Variants in PGM2 observed in about 807,000 individuals in gnomAD.
The protein encoded by PGM2 is phosphopentomutase.
In PGM2, 57 loss-of-function variants were observed where a neutral mutation model predicts 74.6. The ratio of observed to expected loss-of-function variants is 0.76; its 90% CI spans 0.62 to 0.95. PGM2 has a LOEUF of 0.95. Among genes scored for constraint, PGM2 ranks in the 40% least tolerant of loss-of-function variants. The pLI, the probability that PGM2 is intolerant of heterozygous loss-of-function variation, is 0.00. For missense variants in PGM2, 706 were observed against 741.9 expected, an observed-to-expected ratio of 0.95 and a Z score of 0.56; for synonymous variants, 273 against 260.7, an observed-to-expected ratio of 1.05 and a Z score of -0.46.
At chr4:37,844,677 T>C (rs994314830) in intron 7 of PGM2, 124 bp downstream of exon 7, 3 of 663,620 alleles carry the variant, frequency 4.5e-6, no homozygotes, top group Non-Finnish European at 7.7e-6. Context: ...CATGGAAATA[T>C]GTATGTTTGG....
At chr4:37,829,377 A>C (rs1011192240) in intron 1 of PGM2, among the ~76,000 whole-genome samples, 1 of 152,208 alleles carries the variant, frequency 6.6e-6, no homozygotes, top group Admixed American at 6.5e-5. Flanking sequence ...AGATGTTACA[A>C]TATTCAAACT....
chr4:37,849,727 G>T (rs1725984233), intron 11 of PGM2, among the ~76,000 whole-genome samples: 1 of 151,144 alleles, frequency 6.6e-6, no homozygotes, highest in African/African-American at 2.4e-5. Flanking sequence ...TGTTTTAATG[G>T]TCTTTTAAAA....
At chr4:37,834,488 G>A (rs1203624032) in intron 2 of PGM2, 130 bp from the exon 3 acceptor site, 6 of 523,230 alleles carry the variant, frequency 1.1e-5, no homozygotes, top group Non-Finnish European at 2.1e-5. Context: ...TCCTTACTGA[G>A]ATGAATTTTT....
chr4:37,861,443 G>C (rs1056583358), intron 13 of PGM2, 67 bp from the exon 14 acceptor site: 2 of 995,028 alleles, frequency 2.0e-6, no homozygotes, highest in East Asian at 4.8e-5. Flanking sequence ...TGGTCAATGG[G>C]GGGAGCATTT....
At chr4:37,851,225 G>A (rs916861593) in intron 12 of PGM2, among the ~76,000 whole-genome samples, 2 of 152,192 alleles carry the variant, frequency 1.3e-5, no homozygotes, top group East Asian at 3.9e-4. Flanking sequence ...CAGAGTGCTG[G>A]AGCCCACACC....
chr4:37,855,320 A>G (rs1347834687), intron 12 of PGM2, among the ~76,000 whole-genome samples: 1 of 152,022 alleles, frequency 6.6e-6, no homozygotes, highest in Non-Finnish European at 1.5e-5. Flanking sequence ...TGCCTGGCTT[A>G]TTTCACTCAA....
intron 12 of PGM2, among the ~76,000 whole-genome samples, chr4:37,850,778 G>A (rs945890478): frequency 3.3e-5 from 5 of 151,244 alleles, no homozygotes; most frequent in Non-Finnish European, 5.9e-5. Flanking sequence ...ATCACTTGAG[G>A]TCAGGAGTTC....
intron 8 of PGM2, among the ~76,000 whole-genome samples, chr4:37,846,615 A>G (rs915956377): frequency 2.6e-5 from 4 of 152,228 alleles, no homozygotes; most frequent in African/African-American, 4.8e-5. Context: ...TATTTGTTAT[A>G]TTTAAAACCA....
Position 37,848,535 on chromosome 4 carries a change from C to T in PGM2, c.1296C>T (p.Cys432=). ...GTGTTTCTGCAGGATACATGTGCTG[C>T]CCTTTTGTTCTGGACAAAGATGGAG... ...AFEEAIGYMC[C]PFVLDKDGVS... is the part of the protein sequence containing the mutation. The change falls in exon 11 of 14, where the codon TGC becomes TGT. Residue 432 remains cysteine, a synonymous_variant. Transcript: ENST00000381967. 1.2e-6 allele frequency: 2 copies of T among 1,613,304 alleles called. No individual in the cohort carries two copies. The highest frequency in any genetic ancestry group is 1.7e-6 in the Non-Finnish European group (2 of 1,179,470).
chr4:37,848,512 G>C lies in PGM2; in HGVS notation c.1283-10G>C. 1 of 1,610,992 alleles carries C rather than the reference G, an allele frequency of 6.2e-7. No homozygotes were observed. Among genetic ancestry groups the C allele is most frequent in the South Asian group, 1.1e-5 (1 of 90,756 alleles). Reference sequence around the variant, plus strand: ...TTGTATAGATGTATGTATGACGTGTGTTTCTGCAGGATACATGTGCTGCCC... The same window carrying C: ...TTGTATAGATGTATGTATGACGTGTCTTTCTGCAGGATACATGTGCTGCCC... On this transcript the variant is annotated splice_polypyrimidine_tract_variant and intron_variant, in intron 10 of 13. Transcript: ENST00000381967.
At chr4:37,851,426 C>T (rs572665113) in intron 12 of PGM2, among the ~76,000 whole-genome samples, 1 of 152,284 alleles carries the variant, frequency 6.6e-6, no homozygotes, top group South Asian at 2.1e-4. Context: ...TTACACCAAG[C>T]AGATCTTTCA....
At chr4:37,852,133 CTTTTTTTTTTTTTTT>C (rs778968323) in intron 12 of PGM2, among the ~76,000 whole-genome samples, 3 of 47,272 alleles carry the variant, frequency 6.3e-5, no homozygotes, top group Admixed American at 2.8e-4. Flanking sequence ...ATGCCCAGCT[CTTTTTTTTTTTTTTT>C]TTTTTTTTTT....
intron 6 of PGM2, among the ~76,000 whole-genome samples, chr4:37,840,595 G>A (rs543137068): frequency 1.3e-5 from 2 of 152,240 alleles, no homozygotes; most frequent in East Asian, 3.9e-4. Context: ...ATGTTGGCCA[G>A]GCTAGTCTTG....
intron 4 of PGM2, among the ~76,000 whole-genome samples, chr4:37,838,627 C>T (rs561546306): frequency 6.6e-6 from 1 of 152,278 alleles, no homozygotes; most frequent in African/African-American, 2.4e-5. Flanking sequence ...CAGGTAGATG[C>T]AGCACCCCTA....
rs556627614 is a variant in PGM2 at position 37,853,055 on chromosome 4, T to A, written c.1603-2553T>A. ...ATGTTCTACTTTTCTTGTTTCTTTCTTTCTTCTTCTGTTTTTCTGGGAGAT... is the reference window on the plus strand; with the variant it reads ...ATGTTCTACTTTTCTTGTTTCTTTCATTCTTCTTCTGTTTTTCTGGGAGAT... On this transcript the variant is annotated intron_variant, in intron 12 of 13. Transcript: ENST00000381967. 3.9e-4 allele frequency among the ~76,000 whole-genome samples: 60 copies of A among 152,356 alleles called. 1 individual carries two copies. The highest frequency in any genetic ancestry group is 7.1e-4 in the Non-Finnish European group (48 of 68,034).
chr4:37,833,745 G>T (rs1002355308), intron 2 of PGM2, among the ~76,000 whole-genome samples: 1 of 152,116 alleles, frequency 6.6e-6, no homozygotes, highest in African/African-American at 2.4e-5. Context: ...CTTAGTTGGT[G>T]TTGAATTCTC....
In PGM2 at chr4:37,832,671, A is replaced by G. The variant is rs1390945916; in HGVS notation, c.250-1947A>G. On this transcript the variant is annotated intron_variant, in intron 2 of 13. Coordinates refer to ENST00000381967, the MANE Select transcript of PGM2 (RefSeq NM_018290.4). ...TTCATAGATTATTTAATTTAGCCAT[A>G]GCATACCAGTGATGGGAAACTCACT... Among the ~76,000 whole-genome samples, 4 of 152,222 alleles carry G rather than the reference A, an allele frequency of 2.6e-5. No homozygotes were observed. In the East Asian group the frequency reaches 7.7e-4, roughly 29 times the overall value.
chr4:37,846,339 G>A (rs1047322894), intron 8 of PGM2, among the ~76,000 whole-genome samples: 1 of 152,198 alleles, frequency 6.6e-6, no homozygotes, highest in African/African-American at 2.4e-5. Flanking sequence ...AGGGTTTTCA[G>A]ATTGTGATAA....
intron 2 of PGM2, among the ~76,000 whole-genome samples, chr4:37,831,921 A>T (rs1725451999): frequency 6.6e-6 from 1 of 152,198 alleles, no homozygotes; most frequent in Admixed American, 6.5e-5. Context: ...TACACCTGCC[A>T]TTGGGCCTAA....
Sources: gnomAD v4.1 joint callset for allele counts (sites outside exome capture counted in the v4.1 genomes callset) on GRCh38, gnomAD v4.1.1 for gene constraint, MANE v1.5 for transcripts, NCBI Gene and HGNC (gene_info 2026-07-23, HGNC 2026-07-21) for gene names.